Variants in ENPP6 observed in about 807,000 individuals in gnomAD.
ENPP6 encodes the protein ectonucleotide pyrophosphatase/phosphodiesterase 6.
Under a neutral mutation model 42.0 loss-of-function variants are expected in ENPP6, and 32 were observed. The observed-to-expected ratio is 0.76, with a 90% CI of 0.58 to 1.02. The LOEUF (loss-of-function observed/expected upper bound fraction) is 1.02. Ranked by LOEUF, ENPP6 falls within the 50% of genes least tolerant of loss-of-function variation. ENPP6 has a pLI of 0.00. For missense variants in ENPP6, 552 were observed against 566.8 expected (o/e 0.97, Z 0.27); for synonymous variants, 213 against 216.0 (o/e 0.99, Z 0.12).
At chr4:184,154,909 A>G (rs1179008105) in intron 1 of ENPP6, among the ~76,000 whole-genome samples, 1 of 152,232 alleles carries the variant, frequency 6.6e-6, no homozygotes, top group South Asian at 2.1e-4. Flanking sequence ...TATTGTTTCA[A>G]CTAACATGTA....
chr4:184,154,592 C>T (rs1435857996), intron 1 of ENPP6, among the ~76,000 whole-genome samples: 1 of 151,908 alleles, frequency 6.6e-6, no homozygotes, highest in Non-Finnish European at 1.5e-5. Context: ...TGTTTCTTCT[C>T]CCCACCCCTC....
intron 2 of ENPP6, among the ~76,000 whole-genome samples, chr4:184,151,820 G>C (rs1357427923): frequency 6.6e-6 from 1 of 152,156 alleles, no homozygotes; most frequent in East Asian, 1.9e-4. Context: ...ACTCACCCCT[G>C]GATTTGGCTC....
intron 5 of ENPP6, among the ~76,000 whole-genome samples, chr4:184,114,189 C>G (rs1375471509): frequency 6.6e-6 from 1 of 152,084 alleles, no homozygotes; most frequent in Non-Finnish European, 1.5e-5. Flanking sequence ...TGGTCTTGAA[C>G]CCCTGACCTC....
intron 6 of ENPP6, among the ~76,000 whole-genome samples, chr4:184,101,220 A>C (rs997627305): frequency 1.4e-4 from 21 of 151,102 alleles, no homozygotes; most frequent in Non-Finnish European, 2.4e-4. Flanking sequence ...CATGAGTGTA[A>C]GCATGTGTGT....
intron 1 of ENPP6, among the ~76,000 whole-genome samples, chr4:184,212,160 T>A (rs1376972957): frequency 2.0e-5 from 3 of 151,810 alleles, no homozygotes; most frequent in Non-Finnish European, 4.4e-5. Flanking sequence ...CTGGAAGCAT[T>A]CCCTTTGAAA....
At chr4:184,134,886 T>C (rs1486104672) in intron 2 of ENPP6, among the ~76,000 whole-genome samples, 1 of 151,528 alleles carries the variant, frequency 6.6e-6, no homozygotes, top group Non-Finnish European at 1.5e-5. Flanking sequence ...ATTCGTCTTA[T>C]GCCACTACAT....
intron 2 of ENPP6, among the ~76,000 whole-genome samples, chr4:184,132,954 G>A (rs1428728162): frequency 6.6e-6 from 1 of 151,532 alleles, no homozygotes; most frequent in Non-Finnish European, 1.5e-5. Context: ...TCATATGTTT[G>A]TGGGTTTATT....
chr4:184,096,583 G>T (rs1446612852), intron 7 of ENPP6, among the ~76,000 whole-genome samples: 1 of 152,116 alleles, frequency 6.6e-6, no homozygotes, highest in East Asian at 1.9e-4. Context: ...AGTATGAATT[G>T]GCAGGGATCC....
chr4:184,145,012 G>C (rs1202222224), intron 2 of ENPP6, among the ~76,000 whole-genome samples: 1 of 152,266 alleles, frequency 6.6e-6, no homozygotes, highest in East Asian at 1.9e-4. Context: ...CAGGCCCAGG[G>C]AAGGATTGGG....
intron 7 of ENPP6, among the ~76,000 whole-genome samples, chr4:184,095,315 C>G (rs183196758): frequency 1.2e-3 from 175 of 152,108 alleles, no homozygotes; most frequent in African/African-American, 4.1e-3. Context: ...GCTTTGGGGA[C>G]CTTGTTTAAA....
intron 1 of ENPP6, 76 bp from the exon 2 acceptor site, chr4:184,153,809 A>G: frequency 6.6e-7 from 1 of 1,508,088 alleles, no homozygotes; most frequent in South Asian, 1.3e-5. Context: ...TTGATCATAT[A>G]AGCCATTCGT....
At chr4:184,112,919 GC>G (rs1736227923) in intron 5 of ENPP6, 110 bp from the exon 6 acceptor site, 1 of 1,224,892 alleles carries the variant, frequency 8.2e-7, no homozygotes, top group African/African-American at 1.5e-5. Flanking sequence ...GAAAGAAATT[GC>G]CAAATACTTG....
chr4:184,170,552 T>C (rs1349503530), intron 1 of ENPP6, among the ~76,000 whole-genome samples: 1 of 152,178 alleles, frequency 6.6e-6, no homozygotes, highest in Non-Finnish European at 1.5e-5. Context: ...TTAATTCTTG[T>C]CTATTTATTT....
chr4:184,114,065 A>C (rs1324962952), intron 5 of ENPP6, among the ~76,000 whole-genome samples: 2 of 151,296 alleles, frequency 1.3e-5, no homozygotes, highest in Non-Finnish European at 2.9e-5. Flanking sequence ...TCCTGAGTTC[A>C]AGCAATTCTC....
At position 184,130,158 on chromosome 4, in the gene ENPP6, T is replaced by C. The variant is rs115709537; in HGVS notation, c.422-5886A>G. Among the ~76,000 whole-genome samples the C allele has an allele frequency of 4.6e-3, 698 of 152,240 alleles. 5 individuals carry two copies. The highest frequency in any genetic ancestry group is 0.016 in the African/African-American group (672 of 41,538). ...AGCTACTCTCTTCTCCAGTTTGGAA[T>C]GCGGTTGTGAGGGCAGGATCCCTGG... On this transcript the variant is annotated intron_variant, in intron 2 of 7. Transcript: ENST00000296741.
chr4:184,135,429 A>G (rs756138994), intron 2 of ENPP6, among the ~76,000 whole-genome samples: 1 of 152,222 alleles, frequency 6.6e-6, no homozygotes, highest in Non-Finnish European at 1.5e-5. Flanking sequence ...AAAAATTGAT[A>G]TCAACATGAA....
intron 3 of ENPP6, among the ~76,000 whole-genome samples, chr4:184,123,317 G>A (rs1381371377): frequency 2.0e-5 from 3 of 152,122 alleles, no homozygotes; most frequent in African/African-American, 7.2e-5. Flanking sequence ...GGGTATGTTG[G>A]TTCTCGGATA....
intron 6 of ENPP6, among the ~76,000 whole-genome samples, chr4:184,100,815 G>T (rs1045502381): frequency 2.0e-5 from 3 of 152,228 alleles, no homozygotes; most frequent in Admixed American, 6.5e-5. Context: ...TTCAGGGCCG[G>T]TTTATTCAGT....
chr4:184,197,047 A>G (rs190151579), intron 1 of ENPP6, among the ~76,000 whole-genome samples: 1 of 152,234 alleles, frequency 6.6e-6, no homozygotes, highest in Non-Finnish European at 1.5e-5. Context: ...GTTATAATAC[A>G]TGTTGACACA....
Sources: gnomAD v4.1 joint callset for allele counts (sites outside exome capture counted in the v4.1 genomes callset) on GRCh38, gnomAD v4.1.1 for gene constraint, MANE v1.5 for transcripts, NCBI Gene and HGNC (gene_info 2026-07-23, HGNC 2026-07-21) for gene names.